Variants in TENM1 observed in about 807,000 individuals in gnomAD.
TENM1 encodes teneurin transmembrane protein 1, also known as teneurin-1.
Under a neutral mutation model 174.8 loss-of-function variants are expected in TENM1, and 35 were observed. The observed-to-expected ratio is 0.20, with a 90% CI of 0.15 to 0.27. The LOEUF (loss-of-function observed/expected upper bound fraction) is 0.27. Among genes scored for constraint, TENM1 ranks in the 10% least tolerant of loss-of-function variants. TENM1 has a pLI of 1.00. For synonymous variants in TENM1, 781 were observed against 798.7 expected, an observed-to-expected ratio of 0.98 and a Z score of 0.37; for missense variants, 1,633 against 2,130.1, an observed-to-expected ratio of 0.77 and a Z score of 4.59.
intron 11 of TENM1, among the ~76,000 whole-genome samples, chrX:124,586,215 C>G (rs2049507191): frequency 9.0e-6 from 1 of 111,067 alleles, no homozygotes. Flanking sequence ...GATACCAAAG[C>G]CGGGCAGACA....
At chrX:124,723,122 T>G (rs1221902463) in intron 4 of TENM1, among the ~76,000 whole-genome samples, 1 of 111,615 alleles carries the variant, frequency 9.0e-6, no homozygotes, top group African/African-American at 3.3e-5. Flanking sequence ...AGTTTTGCCC[T>G]GATTCAGTCT....
intron 19 of TENM1, among the ~76,000 whole-genome samples, chrX:124,502,448 G>C (rs1045913037): frequency 6.2e-5 from 7 of 112,308 alleles, no homozygotes; most frequent in Admixed American, 4.7e-4. Flanking sequence ...TCAATGACAG[G>C]CATTTGAAAG....
chrX:124,757,442 T>A (rs1001099422), intron 3 of TENM1, among the ~76,000 whole-genome samples: 1 of 112,679 alleles, frequency 8.9e-6, no homozygotes, highest in Non-Finnish European at 1.9e-5. Context: ...CCCCTTGCGC[T>A]TCCCGAGTGA....
the TENM1 span, among the ~76,000 whole-genome samples, chrX:125,048,834 A>AT: frequency 2.7e-5 from 3 of 111,559 alleles, no homozygotes; most frequent in African/African-American, 9.8e-5. Flanking sequence ...AAAGTTCAAG[A>AT]TGGTTACCTA....
the TENM1 span, among the ~76,000 whole-genome samples, chrX:125,061,884 C>A: frequency 8.9e-6 from 1 of 111,897 alleles, no homozygotes; most frequent in Non-Finnish European, 1.9e-5. Context: ...CTCTGTATGC[C>A]CCACAAGTTT....
intron 23 of TENM1, 80 bp from the exon 27 acceptor site, chrX:124,422,718 A>T: frequency 2.0e-6 from 2 of 1,016,619 alleles, no homozygotes; most frequent in Non-Finnish European, 1.3e-6. Flanking sequence ...AAGAAAAAAA[A>T]ATTGGTGTAT....
intron 3 of TENM1, among the ~76,000 whole-genome samples, chrX:124,886,548 TAGAGAGAGAGAG>T (rs57122660): frequency 1.7e-5 from 1 of 59,993 alleles, no homozygotes; most frequent in East Asian, 5.5e-4. Flanking sequence ...TATATATATA[TAGAGAGAGAGAG>T]AGAGAGAGAG....
intron 5 of TENM1, among the ~76,000 whole-genome samples, chrX:124,703,294 A>G (rs962644469): frequency 8.9e-6 from 1 of 111,842 alleles, no homozygotes; most frequent in African/African-American, 3.2e-5. Context: ...TGCCAAATTG[A>G]TATGCCATTG....
At chrX:124,553,638 A>AC (rs2048628876) in intron 14 of TENM1, among the ~76,000 whole-genome samples, 1 of 110,019 alleles carries the variant, frequency 9.1e-6, no homozygotes, top group Admixed American at 9.8e-5. Flanking sequence ...AAAAAAAAAA[A>AC]AAAAAACAAA....
chrX:124,380,930 C>T (rs1168047761), exon 32 of TENM1: 6 of 1,211,484 alleles, frequency 5.0e-6, no homozygotes, highest in Admixed American at 4.3e-5. Flanking sequence ...CTCCAGAATC[C>T]GCCTCCCCCC....
chrX:124,438,393 T>G (rs2060867860), intron 23 of TENM1, among the ~76,000 whole-genome samples: 1 of 110,885 alleles, frequency 9.0e-6, no homozygotes, highest in Non-Finnish European at 1.9e-5. Context: ...TTCTGTATCT[T>G]AGAGAGCTTC....
chrX:125,031,835 G>T, the TENM1 span, among the ~76,000 whole-genome samples: 3 of 111,653 alleles, frequency 2.7e-5, no homozygotes, highest in African/African-American at 9.8e-5. Context: ...CCAACTTCTA[G>T]TACTTCAAAA....
chrX:124,867,712 G>T (rs2057033324), intron 3 of TENM1, among the ~76,000 whole-genome samples: 1 of 112,042 alleles, frequency 8.9e-6, no homozygotes, highest in African/African-American at 3.2e-5. Flanking sequence ...ATTGTTTGCA[G>T]ATGATGTAAT....
the TENM1 span, among the ~76,000 whole-genome samples, chrX:124,997,660 C>T: frequency 9.0e-6 from 1 of 110,998 alleles, no homozygotes; most frequent in Non-Finnish European, 1.9e-5. Flanking sequence ...GTCAAGTGAA[C>T]GATAAGAACT....
chrX:125,027,611 C>CTTTTT, the TENM1 span, among the ~76,000 whole-genome samples: 73 of 83,045 alleles, frequency 8.8e-4, no homozygotes, highest in Non-Finnish European at 1.2e-3. Flanking sequence ...TTTTCTTTTT[C>CTTTTT]TTTTTTTTTT....
intron 21 of TENM1, among the ~76,000 whole-genome samples, chrX:124,484,469 A>T (rs2046911631): frequency 8.9e-6 from 1 of 112,114 alleles, no homozygotes; most frequent in Non-Finnish European, 1.9e-5. Context: ...GAATTCTTCT[A>T]AATGGGAGCT....
At chrX:124,783,658 T>C (rs767918401) in intron 3 of TENM1, among the ~76,000 whole-genome samples, 1 of 111,759 alleles carries the variant, frequency 8.9e-6, no homozygotes, top group South Asian at 3.7e-4. Context: ...AAGCAGATTA[T>C]GGTGGGGAAT....
At chrX:124,377,081 C>T (rs1466897922) in exon 32 of TENM1, 1 of 109,613 alleles carries the variant, frequency 9.1e-6, no homozygotes, top group Non-Finnish European at 1.9e-5. Context: ...TGCCCTGACT[C>T]TCTTAAGTGA....
the TENM1 span, among the ~76,000 whole-genome samples, chrX:124,974,888 C>CTATATATATATATATATATATA: frequency 1.2e-3 from 89 of 72,741 alleles, 6 homozygotes; most frequent in Non-Finnish European, 2.0e-3. Context: ...GGGACTGACA[C>CTATATATATATATATATATATA]TATATATATA....
Sources: allele counts gnomAD v4.1 joint callset (sites outside exome capture counted in the v4.1 genomes callset), GRCh38; gene constraint gnomAD v4.1.1; transcripts MANE v1.5; gene names NCBI Gene and HGNC (gene_info 2026-07-23, HGNC 2026-07-21).